KIAA1549: variants seen among roughly 807,000 people sequenced by gnomAD.
The protein encoded by KIAA1549 is UPF0606 protein KIAA1549.
Under a neutral mutation model 156.4 loss-of-function variants are expected in KIAA1549, and 70 were observed. The ratio of observed to expected loss-of-function variants is 0.45; its 90% CI spans 0.37 to 0.55. The LOEUF (loss-of-function observed/expected upper bound fraction) is 0.55. Among genes scored for constraint, KIAA1549 ranks in the 20% least tolerant of loss-of-function variants. The pLI, the probability that KIAA1549 is intolerant of heterozygous loss-of-function variation, is 0.00. For missense variants in KIAA1549, 2,428 were observed against 2,540.9 expected, an observed-to-expected ratio of 0.96 and a Z score of 0.96; for synonymous variants, 1,103 against 1,066.4, an observed-to-expected ratio of 1.03 and a Z score of -0.67.
intron 15 of KIAA1549, among the ~76,000 whole-genome samples, chr7:138,865,226 C>CA (rs1289904032): frequency 0.012 from 1,763 of 144,634 alleles, 38 homozygotes; most frequent in African/African-American, 0.041. Flanking sequence ...TGGAGTGTCT[C>CA]AAAAAAAAAA....
At chr7:138,960,789 G>A (rs569028466) in intron 1 of KIAA1549, among the ~76,000 whole-genome samples, 3 of 152,210 alleles carry the variant, frequency 2.0e-5, no homozygotes, top group South Asian at 2.1e-4. Flanking sequence ...CTCAAGAAAC[G>A]CTTTCTAATG....
At position 138,919,173 on chromosome 7, in the gene KIAA1549, G is replaced by A. The variant is rs753259423; in HGVS notation, c.453C>T (p.Ala151=). 7.4e-6 allele frequency: 12 copies of A among 1,613,834 alleles called. No homozygotes were observed. The highest frequency in any genetic ancestry group is 1.7e-5 in the Admixed American group (1 of 59,998). Residue 151 remains alanine, a synonymous_variant, in exon 2 of 20, where the codon GCC becomes GCT. Coordinates refer to ENST00000422774, the MANE Select transcript of KIAA1549 (RefSeq NM_001164665.2). ...AGTTATCCATCTCATCGTCATTGAC[G>A]GCCACCTCTTTACTCGTCACTGACA... ...TYVSVTSKEV[A]VNDDEMDNFL...
intron 16 of KIAA1549, among the ~76,000 whole-genome samples, chr7:138,860,819 A>T (rs1219851813): frequency 6.6e-6 from 1 of 152,112 alleles, no homozygotes; most frequent in African/African-American, 2.4e-5. Context: ...CGGTTACCCC[A>T]CCTCCATTCC....
At chr7:138,977,897 A>G (rs1814427608) in intron 1 of KIAA1549, among the ~76,000 whole-genome samples, 1 of 152,080 alleles carries the variant, frequency 6.6e-6, no homozygotes, top group African/African-American at 2.4e-5. Context: ...ACGGGGTTTC[A>G]CCATGTTGGC....
chr7:138,906,031 G>A (rs1298417753), intron 6 of KIAA1549, among the ~76,000 whole-genome samples: 1 of 152,098 alleles, frequency 6.6e-6, no homozygotes, highest in Non-Finnish European at 1.5e-5. Context: ...CCTAAATTAT[G>A]CCTTTTCCAG....
At chr7:138,951,042 A>C (rs1813482529) in intron 1 of KIAA1549, among the ~76,000 whole-genome samples, 1 of 149,430 alleles carries the variant, frequency 6.7e-6, no homozygotes, top group Non-Finnish European at 1.5e-5. Context: ...CATCCTTTGC[A>C]CCCTCTCTTC....
intron 19 of KIAA1549, among the ~76,000 whole-genome samples, chr7:138,838,382 T>A (rs1238024895): frequency 6.6e-6 from 1 of 151,862 alleles, no homozygotes; most frequent in Non-Finnish European, 1.5e-5. Flanking sequence ...ATGTGAAAGG[T>A]CGGGTGATAT....
At chr7:138,889,921 T>C (rs1429983139) in intron 10 of KIAA1549, among the ~76,000 whole-genome samples, 2 of 152,228 alleles carry the variant, frequency 1.3e-5, no homozygotes. Flanking sequence ...TCCACTTCTT[T>C]TAAAATAGAA....
At chr7:138,908,642 G>A (rs942245812) in intron 5 of KIAA1549, among the ~76,000 whole-genome samples, 11 of 152,144 alleles carry the variant, frequency 7.2e-5, no homozygotes, top group South Asian at 4.1e-4. Flanking sequence ...TACAACACCC[G>A]TTCTTAGTAG....
intron 1 of KIAA1549, among the ~76,000 whole-genome samples, chr7:138,967,789 C>A (rs927706929): frequency 1.3e-5 from 2 of 152,196 alleles, no homozygotes; most frequent in Admixed American, 6.5e-5. Context: ...GCTGGTGCTA[C>A]AAGCCAAGGG....
At chr7:138,975,220 A>T (rs538453230) in intron 1 of KIAA1549, among the ~76,000 whole-genome samples, 61 of 147,872 alleles carry the variant, frequency 4.1e-4, no homozygotes, top group African/African-American at 1.6e-3. Flanking sequence ...AAGCTAACAA[A>T]GGAGATGGAA....
intron 1 of KIAA1549, among the ~76,000 whole-genome samples, chr7:138,975,892 C>T (rs1457410661): frequency 3.3e-5 from 5 of 152,138 alleles, no homozygotes; most frequent in Non-Finnish European, 7.3e-5. Context: ...GTAACAACTC[C>T]CTGGCTGGGT....
At chr7:138,858,531 T>C (rs1255663852) in intron 16 of KIAA1549, among the ~76,000 whole-genome samples, 1 of 152,198 alleles carries the variant, frequency 6.6e-6, no homozygotes, top group Non-Finnish European at 1.5e-5. Flanking sequence ...TGAGCTTTGC[T>C]TGGGTTTAGA....
At chr7:138,937,898 G>C in intron 1 of KIAA1549, among the ~76,000 whole-genome samples, 1 of 152,152 alleles carries the variant, frequency 6.6e-6, no homozygotes, top group East Asian at 1.9e-4. Flanking sequence ...AAGGTGGGGG[G>C]AGTTTGACTT....
In KIAA1549 at chr7:138,837,549, T is replaced by G; in HGVS notation, c.*357A>C. The G allele has an allele frequency of 2.7e-6, 1 of 374,340 alleles. No homozygotes were observed. Among genetic ancestry groups the G allele is most frequent in the Non-Finnish European group, 4.8e-6 (1 of 209,674 alleles). 23.2% of individuals were successfully genotyped at this position (374,340 alleles called of 1,614,324 possible). A position where few individuals can be genotyped will look rare whatever the true frequency, so the allele number is the denominator to read the frequency against. On this transcript the variant is annotated 3_prime_UTR_variant, in exon 20 of 20. Coordinates refer to ENST00000422774, the MANE Select transcript of KIAA1549 (RefSeq NM_001164665.2). ...CCAGTCTCAATCCCACAGAAACGCT[T>G]GGTTCCTTTCATCCCTATGCTGTCT...
intron 1 of KIAA1549, among the ~76,000 whole-genome samples, chr7:138,954,843 G>C (rs1185558860): frequency 1.3e-5 from 2 of 152,184 alleles, no homozygotes; most frequent in East Asian, 3.9e-4. Flanking sequence ...GAGGACCAAA[G>C]AGAAGGCAGG....
chr7:138,906,951 T>C lies in KIAA1549; in HGVS notation c.3428A>G (p.Tyr1143Cys), dbSNP rs1260037274. The C allele has an allele frequency of 1.9e-6, 3 of 1,611,030 alleles. No individual in the cohort carries two copies. Among genetic ancestry groups the C allele is most frequent in the Non-Finnish European group, 1.7e-6 (2 of 1,178,740 alleles). The change falls in exon 6 of 20, where the codon TAT (tyrosine) becomes TGT (cysteine). Residue 1143 changes from tyrosine to cysteine, a missense_variant. By Grantham distance (194) the Tyr-to-Cys change is radical. Around this residue, in one of 5 missense-constraint regions of KIAA1549, gnomAD observed 762 missense variants for 901.6 expected, o/e 0.85. Transcript: ENST00000422774. ...GATCTGCAGCACTGGGTATCCCAGA[T>C]AGAAACTGAACTCCACCACACTCAA... ...RNLSVVEFSF[Y>C]LGYPVLQIAE... is the part of the protein sequence containing the mutation.
At chr7:138,924,056 A>G (rs1330615941) in intron 1 of KIAA1549, among the ~76,000 whole-genome samples, 4 of 152,232 alleles carry the variant, frequency 2.6e-5, no homozygotes, top group Non-Finnish European at 5.9e-5. Context: ...TGTCTTCCAT[A>G]CAACCTGGCT....
Position 138,868,027 on chromosome 7 carries a change from C to T in KIAA1549, c.4877G>A (p.Gly1626Asp), listed in dbSNP as rs1810801338. 1 of 1,613,954 alleles carries T rather than the reference C, an allele frequency of 6.2e-7. No homozygotes were observed. Among genetic ancestry groups the T allele is most frequent in the Non-Finnish European group, 8.5e-7 (1 of 1,179,880 alleles). The change falls in exon 15 of 20, where the codon GGC (glycine) becomes GAC (aspartate). Residue 1626 changes from glycine to aspartate, a missense_variant. Physicochemically the swap from Gly to Asp is moderately conservative, Grantham distance 94 (BLOSUM62 -1). Transcript: ENST00000422774. Reference sequence around the variant, plus strand: ...GACGCCGGGGGGCCTCCTGTAGGTGCCATCGCTGTCTGTGGTGATGAGCCG... The same window carrying T: ...GACGCCGGGGGGCCTCCTGTAGGTGTCATCGCTGTCTGTGGTGATGAGCCG... Reference protein sequence around the residue: ...KDRLITTDSDGTYRRPPGVHN... With the variant: ...KDRLITTDSDDTYRRPPGVHN...
Sources: allele counts gnomAD v4.1 joint callset (sites outside exome capture counted in the v4.1 genomes callset), GRCh38; gene constraint gnomAD v4.1.1; regional missense constraint gnomAD v4.1.1; transcripts MANE v1.5; gene names NCBI Gene and HGNC (gene_info 2026-07-23, HGNC 2026-07-21).